Variants in ALMS1 observed in about 807,000 individuals in gnomAD.
The protein encoded by ALMS1 is ALMS1 centrosome and basal body associated protein.
A neutral mutation model predicts 352.2 loss-of-function variants in ALMS1; 271 were observed. The ratio of observed to expected loss-of-function variants is 0.77; its 90% confidence interval spans 0.70 to 0.85. The LOEUF (loss-of-function observed/expected upper bound fraction) is 0.85, where lower values mean the gene tolerates loss of function less well. ALMS1 is among the 40% of genes least tolerant of loss of function. The pLI is 0.00. For missense variants in ALMS1, 5,445 were observed against 4,870.7 expected, an observed-to-expected ratio of 1.12 and a Z score of -3.51; for synonymous variants, 1,865 against 1,761.2, an observed-to-expected ratio of 1.06 and a Z score of -1.48.
chr2:73,428,696 A>G lies in ALMS1; in HGVS notation c.1338+2143A>G, dbSNP rs554878556. Among the ~76,000 whole-genome samples the G allele has an allele frequency of 2.0e-5, 3 of 152,316 alleles. No individual in the cohort carries two copies. In the East Asian group the frequency reaches 5.8e-4, roughly 29 times the overall value. ...ATTCTTTCAATCTAAGGAAGATGCT[A>G]TTATTCCCTGTATTGTCTTTCAGTT... On this transcript the variant is annotated intron_variant, in intron 6 of 22. Transcript: ENST00000613296.
At chr2:73,484,338 A>G (rs1030937391) in intron 9 of ALMS1, among the ~76,000 whole-genome samples, 9 of 150,744 alleles carry the variant, frequency 6.0e-5, no homozygotes, top group Non-Finnish European at 1.5e-5. Context: ...TATGAAGCTT[A>G]GTTTGGCTGG....
At chr2:73,492,100 T>C (rs901838038) in intron 10 of ALMS1, among the ~76,000 whole-genome samples, 3 of 152,200 alleles carry the variant, frequency 2.0e-5, no homozygotes, top group Admixed American at 6.5e-5. Context: ...GGAAACCCAA[T>C]TCAGGGATAA....
chr2:73,397,085 A>G (rs1445754219), intron 1 of ALMS1, among the ~76,000 whole-genome samples: 1 of 152,196 alleles, frequency 6.6e-6, no homozygotes, highest in Admixed American at 6.5e-5. Context: ...CTGTGGTAAC[A>G]TGCTAGGGGT....
intron 16 of ALMS1, among the ~76,000 whole-genome samples, chr2:73,590,972 G>A (rs112688891): frequency 8.6e-5 from 13 of 151,976 alleles, no homozygotes; most frequent in Non-Finnish European, 1.2e-4. Flanking sequence ...CACCGCGCCC[G>A]GCCCCTTTTT....
intron 11 of ALMS1, among the ~76,000 whole-genome samples, chr2:73,528,620 G>A (rs1673845349): frequency 6.6e-6 from 1 of 151,500 alleles, no homozygotes; most frequent in African/African-American, 2.4e-5. Context: ...GGTCTTTATA[G>A]GTTAATTGTG....
At chr2:73,400,829 C>T (rs930173863) in intron 1 of ALMS1, among the ~76,000 whole-genome samples, 12 of 152,066 alleles carry the variant, frequency 7.9e-5, no homozygotes, top group African/African-American at 1.2e-4. Context: ...GCTGTGTCAC[C>T]GAGGCAGGAG....
In ALMS1 at chr2:73,385,939, AG is replaced by A. The variant is rs1344982848; in HGVS notation, c.73del (p.Glu25LysfsTer16). On this transcript the variant is annotated frameshift_variant, in exon 1 of 23. Coordinates refer to ENST00000613296, the MANE Select transcript of ALMS1 (RefSeq NM_001378454.1). LOFTEE classifies it high-confidence loss of function. ...EEEEEEEEEE[E>X]EEEEAAAAAA... is the part of the protein sequence containing the mutation. ...GAGGAGGAGGAGGAGGAGGAGGAGG[AG>A]GAAGAGGAGGAGGCTGCAGCGGCGG... 2.6e-6 allele frequency: 3 copies of A among 1,163,272 alleles called. No individual in the cohort carries two copies. The African/African-American group carries it at 4.9e-5, about 19-fold the overall frequency. 72.1% of individuals were successfully genotyped at this position (1,163,272 alleles called of 1,614,324 possible).
chr2:73,542,990 T>G (rs1292550887), intron 12 of ALMS1, among the ~76,000 whole-genome samples: 1 of 152,190 alleles, frequency 6.6e-6, no homozygotes, highest in Non-Finnish European at 1.5e-5. Flanking sequence ...CCAATGACTT[T>G]CTTCACAGAA....
chr2:73,477,430 C>T (rs531745127), intron 9 of ALMS1, among the ~76,000 whole-genome samples: 2 of 151,622 alleles, frequency 1.3e-5, no homozygotes, highest in South Asian at 2.1e-4. Flanking sequence ...AGTCCTCCAA[C>T]GATGTTTGTC....
Position 73,474,401 on chromosome 2 carries a change from G to C in ALMS1, c.7675-15233G>C, listed in dbSNP as rs1728536. ...TGTGTGTGTGTGTGTGTGTGTGTGT[G>C]TGTGTGTGTCTATTGGTTTACATGA... On this transcript the variant is annotated intron_variant, in intron 9 of 22. Transcript: ENST00000613296. Among the ~76,000 whole-genome samples, 299 of 49,086 alleles carry C rather than the reference G, an allele frequency of 6.1e-3. 1 individual carries two copies. The highest frequency in any genetic ancestry group is 0.03 in the South Asian group (37 of 1,248). 32.2% of individuals were successfully genotyped at this position (49,086 alleles called of 152,430 possible).
Position 73,453,972 on chromosome 2 carries a change from A to T in ALMS1, c.7445A>T (p.His2482Leu). ...AGCAGTGTAGATTCACTGGCTGCAC[A>T]TGTGAAAAACCTTCTGCAATGTGAA... ...GGSSVDSLAA[H>L]VKNLLQCESS... The change falls in exon 8 of 23, where the codon CAT becomes CTT. Residue 2482 changes from histidine (H) to leucine (L), a missense_variant. Coordinates refer to ENST00000613296, the MANE Select transcript of ALMS1 (RefSeq NM_001378454.1). The T allele has an allele frequency of 6.2e-7, 1 of 1,613,766 alleles. No individual in the cohort carries two copies. Among genetic ancestry groups the T allele is most frequent in the Middle Eastern group, 1.6e-4 (1 of 6,062 alleles).
intron 12 of ALMS1, among the ~76,000 whole-genome samples, chr2:73,537,983 G>A (rs1039580122): frequency 1.3e-5 from 2 of 152,072 alleles, no homozygotes; most frequent in African/African-American, 4.8e-5. Context: ...TCCACTCTGG[G>A]CAACAGAGTG....
intron 13 of ALMS1, among the ~76,000 whole-genome samples, chr2:73,556,555 A>C (rs1674546330): frequency 1.3e-5 from 2 of 152,064 alleles, no homozygotes; most frequent in Non-Finnish European, 2.9e-5. Flanking sequence ...CATAAGTGGT[A>C]AAAACTTTGA....
intron 1 of ALMS1, among the ~76,000 whole-genome samples, chr2:73,405,099 A>G (rs1670947965): frequency 6.6e-6 from 1 of 151,474 alleles, no homozygotes; most frequent in African/African-American, 2.4e-5. Flanking sequence ...TTTTTAGTAG[A>G]GACAGGATCT....
rs866416012 is a variant in ALMS1, at chr2:73,491,102, A to G, written c.9143A>G (p.His3048Arg). ...AATAGAAAAGCACTTTCTTGTGTTC[A>G]TATAACTCTTTGTCCCAAGACTTCT... ...PSNRKALSCVHITLCPKTSSK... is the reference protein window; with the variant it reads ...PSNRKALSCVRITLCPKTSSK... Residue 3048 changes from histidine (H) to arginine (R), a missense_variant, in exon 10 of 23, where the codon CAT becomes CGT. Physicochemically the swap from His to Arg is conservative, Grantham distance 29. Coordinates refer to ENST00000613296, the MANE Select transcript of ALMS1 (RefSeq NM_001378454.1). 5.6e-6 allele frequency: 9 copies of G among 1,614,192 alleles called. No individual in the cohort carries two copies. The highest frequency in any genetic ancestry group is 1.6e-4 in the Middle Eastern group (1 of 6,062).
At chr2:73,499,530 A>G (rs1385607372) in intron 10 of ALMS1, among the ~76,000 whole-genome samples, 1 of 152,138 alleles carries the variant, frequency 6.6e-6, no homozygotes, top group Non-Finnish European at 1.5e-5. Context: ...ATTTTTGTAT[A>G]TGGCGAAAGA....
intron 15 of ALMS1, among the ~76,000 whole-genome samples, chr2:73,570,631 G>A (rs933887698): frequency 7.7e-5 from 8 of 104,234 alleles, no homozygotes; most frequent in Non-Finnish European, 1.4e-4. Context: ...ATGTTTTCAA[G>A]CCAATGGAAA....
intron 10 of ALMS1, among the ~76,000 whole-genome samples, chr2:73,494,397 A>T (rs1673060088): frequency 6.6e-6 from 1 of 152,230 alleles, no homozygotes; most frequent in South Asian, 2.1e-4. Flanking sequence ...CCGTAACATC[A>T]TAACCATAAA....
intron 10 of ALMS1, among the ~76,000 whole-genome samples, chr2:73,507,294 A>C (rs1673348387): frequency 6.6e-6 from 1 of 152,228 alleles, no homozygotes; most frequent in African/African-American, 2.4e-5. Context: ...TGGCCTCATA[A>C]AATGAGTTAG....
Sources: allele counts gnomAD v4.1 joint callset (sites outside exome capture counted in the v4.1 genomes callset), GRCh38; gene constraint gnomAD v4.1.1; transcripts MANE v1.5; gene names NCBI Gene and HGNC (gene_info 2026-07-23, HGNC 2026-07-21).